The following NFASC variants were observed in gnomAD, a reference collection of about 807,000 sequenced individuals.
NFASC encodes neurofascin.
NFASC carries 43 observed loss-of-function variants against 147.5 expected under a neutral mutation model. That is an observed-to-expected ratio of 0.29 (90% CI 0.23 to 0.38). The LOEUF (loss-of-function observed/expected upper bound fraction) is 0.38, where lower values mean the gene tolerates loss of function less well. Ranked by LOEUF, NFASC falls within the 10% of genes least tolerant of loss-of-function variation. The probability of loss-of-function intolerance (pLI) is 1.00; values close to 1 mark genes in which losing one functional copy is unlikely to be tolerated. For missense variants in NFASC, 1,320 were observed against 1,689.0 expected (o/e 0.78, Z 3.83); for synonymous variants, 622 against 665.5 (o/e 0.93, Z 1.01).
intron 28 of NFASC, chr1:205,009,973 A>C: frequency 4.6e-6 from 2 of 430,208 alleles, no homozygotes; most frequent in Non-Finnish European, 4.2e-6. Flanking sequence ...CCCTTGACTC[A>C]CCACCCATCT....
rs1213793389 is a variant in NFASC, at chr1:204,975,564, C to G, written c.1706+146C>G. 1.1e-5 allele frequency: 12 copies of G among 1,098,812 alleles called. No homozygotes were observed. Among genetic ancestry groups the G allele is most frequent in the Non-Finnish European group, 1.6e-5 (12 of 755,052 alleles). 68.1% of individuals were successfully genotyped at this position (1,098,812 alleles called of 1,614,324 possible). A position where few individuals can be genotyped will look rare whatever the true frequency, so the allele number is the denominator to read the frequency against. On this transcript the variant is annotated intron_variant, in intron 15 of 29. Transcript: ENST00000339876. The surrounding 1 kb of genome is among the most constrained non-coding windows in gnomAD (Gnocchi z 4.0). Reference sequence around the variant, plus strand: ...GAGCTTCTGCAGAGGGGGTGATGGCCTGGGCAACTCCCCTGCTTCAGGGGA... The same window carrying G: ...GAGCTTCTGCAGAGGGGGTGATGGCGTGGGCAACTCCCCTGCTTCAGGGGA...
chr1:204,860,534 C>T (rs566131214), intron 1 of NFASC, among the ~76,000 whole-genome samples: 1 of 152,298 alleles, frequency 6.6e-6, no homozygotes, highest in Admixed American at 6.5e-5. Flanking sequence ...CAGAATTTAG[C>T]ACAGAAATTC....
At chr1:204,840,709 C>A (rs988853417) in intron 1 of NFASC, among the ~76,000 whole-genome samples, 1 of 152,222 alleles carries the variant, frequency 6.6e-6, no homozygotes, top group African/African-American at 2.4e-5. Context: ...TGGCTTAGAG[C>A]AGGCTAGCTC....
At chr1:204,870,552 C>G (rs1401046432) in intron 1 of NFASC, 1 of 455,996 alleles carries the variant, frequency 2.2e-6, no homozygotes, top group African/African-American at 2.1e-5. Context: ...ACCCCACCCC[C>G]GCCTTGGGGA....
chr1:204,949,819 A>G (rs1052856736), intron 3 of NFASC, among the ~76,000 whole-genome samples: 22 of 152,252 alleles, frequency 1.4e-4, no homozygotes, highest in South Asian at 4.1e-4. Flanking sequence ...GAGCACACCT[A>G]TACAAGCACA....
Position 204,954,140 on chromosome 1 carries a change from G to C in NFASC, c.216-48G>C. ...GGATCTGAGATCTGCCTGGAGCCCAGAGCCCACCCCATTCGTCTTGGTTGC... is the reference window on the plus strand; with the variant it reads ...GGATCTGAGATCTGCCTGGAGCCCACAGCCCACCCCATTCGTCTTGGTTGC... On this transcript the variant is annotated intron_variant, in intron 5 of 29. Transcript: ENST00000339876. This position sits in a 1 kb window ranked among gnomAD's most constrained non-coding sequence, Gnocchi z 5.7. The C allele has an allele frequency of 1.3e-6, 2 of 1,569,466 alleles. No homozygotes were observed. The highest frequency in any genetic ancestry group is 1.8e-6 in the Non-Finnish European group (2 of 1,140,624).
intron 1 of NFASC, among the ~76,000 whole-genome samples, chr1:204,865,938 A>G (rs571540185): frequency 6.6e-6 from 1 of 152,192 alleles, no homozygotes; most frequent in African/African-American, 2.4e-5. Context: ...CCAGCAGTGT[A>G]TGGGAGTTCC....
intron 1 of NFASC, among the ~76,000 whole-genome samples, chr1:204,838,247 A>G (rs1268675399): frequency 1.3e-5 from 2 of 152,246 alleles, no homozygotes; most frequent in African/African-American, 2.4e-5. Context: ...TTTGAATTAC[A>G]TTAAATTTAT....
chr1:204,934,604 C>A (rs1382250394), intron 2 of NFASC, among the ~76,000 whole-genome samples: 2 of 152,214 alleles, frequency 1.3e-5, no homozygotes, highest in Non-Finnish European at 2.9e-5. Context: ...CCCTTTCCCA[C>A]CCCCAACAGC....
chr1:204,956,086 G>C (rs895298569), intron 7 of NFASC, among the ~76,000 whole-genome samples: 2 of 152,110 alleles, frequency 1.3e-5, no homozygotes, highest in Non-Finnish European at 2.9e-5. Context: ...ATCAAGTTGT[G>C]TTCACTCTGC....
intron 1 of NFASC, among the ~76,000 whole-genome samples, chr1:204,894,724 CAGT>C (rs2083066020): frequency 6.6e-6 from 1 of 152,208 alleles, no homozygotes; most frequent in Admixed American, 6.5e-5. Context: ...CAGTCAACCT[CAGT>C]GTCACCTTCA....
rs1252798013 is a variant in NFASC at position 204,997,416 on chromosome 1, A to G, written c.3019+10A>G. ...AAGATACACGAATCCGGTACTGCGC[A>G]TCGCCCATGCTCCCCATCCCCTCCT... On this transcript the variant is annotated intron_variant, in intron 25 of 29. Coordinates refer to ENST00000339876, the MANE Select transcript of NFASC (RefSeq NM_001005388.3). The G allele has an allele frequency of 1.3e-6, 2 of 1,551,712 alleles. No individual in the cohort carries two copies. Among genetic ancestry groups the G allele is most frequent in the Admixed American group, 2.0e-5 (1 of 50,982 alleles).
chr1:204,907,003 T>C (rs1400851155), intron 1 of NFASC, among the ~76,000 whole-genome samples: 1 of 152,230 alleles, frequency 6.6e-6, no homozygotes, highest in Admixed American at 6.5e-5. Context: ...CCAGGTCATA[T>C]GGCAACTGTA....
At chr1:204,870,462 G>C (rs1456481455) in intron 1 of NFASC, 1 of 162,152 alleles carries the variant, frequency 6.2e-6, no homozygotes, top group Admixed American at 5.9e-5. Flanking sequence ...GCATGGGGGA[G>C]GGCCAGGACC....
intron 14 of NFASC, 143 bp downstream of exon 14, chr1:204,974,966 T>C: frequency 1.2e-6 from 1 of 861,662 alleles, no homozygotes; most frequent in Non-Finnish European, 1.8e-6. Flanking sequence ...ACCTGTGGAG[T>C]CCTTTTAGGA....
chr1:204,946,972 G>A, intron 3 of NFASC: 1 of 359,226 alleles, frequency 2.8e-6, no homozygotes, highest in Non-Finnish European at 5.5e-6. Flanking sequence ...CCACAAGAAA[G>A]TTTGCTTGCC....
rs1351186458 is a variant in NFASC, at chr1:204,987,295, A to G, written c.2471-123A>G. The G allele has an allele frequency of 1.1e-6, 1 of 880,156 alleles. No individual in the cohort carries two copies. The highest frequency in any genetic ancestry group is 2.6e-5 in the East Asian group (1 of 37,760). The allele number at this position is 880,156 out of a possible 1,614,324, so 54.5% of individuals were successfully genotyped here. On this transcript the variant is annotated intron_variant, in intron 21 of 29. Coordinates refer to ENST00000339876, the MANE Select transcript of NFASC (RefSeq NM_001005388.3). The surrounding 1 kb of genome is among the most constrained non-coding windows in gnomAD (Gnocchi z 4.4). ...CGGTTCTCCCAGGCTTCAGTTTAGC[A>G]GTGTCGAGCATGGGGGTTGTCCAGA...
chr1:204,847,230 T>TA, intron 1 of NFASC, among the ~76,000 whole-genome samples: 1 of 152,202 alleles, frequency 6.6e-6, no homozygotes, highest in Middle Eastern at 3.4e-3. Context: ...ATAGTTAAGT[T>TA]AAAATAATGG....
At chr1:204,984,106 C>T (rs1460429377) in intron 21 of NFASC, 3 of 1,613,988 alleles carry the variant, frequency 1.9e-6, no homozygotes, top group South Asian at 1.1e-5. Flanking sequence ...ACCGCGTCTA[C>T]TCCGACACGG....
Sources: gnomAD v4.1 joint callset for allele counts (sites outside exome capture counted in the v4.1 genomes callset) on GRCh38, gnomAD v4.1.1 for gene constraint, Gnocchi (gnomAD v3.1) non-coding constraint, MANE v1.5 for transcripts, NCBI Gene and HGNC (gene_info 2026-07-23, HGNC 2026-07-21) for gene names.